PALM2AKAP2: variants seen among roughly 807,000 people sequenced by gnomAD.
PALM2AKAP2 encodes PALM2-AKAP2 fusion protein.
A neutral mutation model predicts 71.5 loss-of-function variants in PALM2AKAP2; 37 were observed. The ratio of observed to expected loss-of-function variants is 0.52; its 90% confidence interval spans 0.40 to 0.68. The LOEUF (loss-of-function observed/expected upper bound fraction) is 0.68. PALM2AKAP2 is among the 30% of genes least tolerant of loss of function. The pLI is 0.00. For synonymous variants in PALM2AKAP2, 468 were observed against 478.8 expected, an observed-to-expected ratio of 0.98 and a Z score of 0.29; for missense variants, 1,224 against 1,191.8, an observed-to-expected ratio of 1.03 and a Z score of -0.40.
At chr9:109,973,717 T>C (rs1426598527) in intron 6 of PALM2AKAP2, among the ~76,000 whole-genome samples, 1 of 152,224 alleles carries the variant, frequency 6.6e-6, no homozygotes, top group Non-Finnish European at 1.5e-5. Flanking sequence ...TTTTAGTCTC[T>C]TGATAACTCT....
intron 1 of PALM2AKAP2, among the ~76,000 whole-genome samples, chr9:109,827,678 C>G (rs1828191178): frequency 2.6e-5 from 4 of 152,118 alleles, no homozygotes; most frequent in Admixed American, 1.3e-4. Flanking sequence ...ATTCTCCCCC[C>G]AGTAAACTTT....
At chr9:109,899,977 A>G (rs1368328584) in intron 3 of PALM2AKAP2, among the ~76,000 whole-genome samples, 2 of 152,230 alleles carry the variant, frequency 1.3e-5, no homozygotes, top group African/African-American at 4.8e-5. Context: ...TAAACACACT[A>G]CAGTGTTCAC....
intron 2 of PALM2AKAP2, among the ~76,000 whole-genome samples, chr9:110,139,110 C>T (rs760258406): frequency 1.3e-5 from 2 of 152,226 alleles, no homozygotes; most frequent in Non-Finnish European, 2.9e-5. Flanking sequence ...AAAGCAACTA[C>T]TTTGGAATCA....
intron 1 of PALM2AKAP2, among the ~76,000 whole-genome samples, chr9:109,826,295 C>G (rs908043071): frequency 6.6e-6 from 1 of 152,112 alleles, no homozygotes; most frequent in Admixed American, 6.5e-5. Flanking sequence ...AGCACACCAA[C>G]ATGGCACATG....
At chr9:109,971,368 C>G (rs1045540454) in intron 6 of PALM2AKAP2, among the ~76,000 whole-genome samples, 1 of 134,552 alleles carries the variant, frequency 7.4e-6, no homozygotes, top group Non-Finnish European at 1.5e-5. Context: ...ATAGTGTTTC[C>G]AAGCCCCAGG....
intron 1 of PALM2AKAP2, among the ~76,000 whole-genome samples, chr9:110,067,655 A>T (rs1226436934): frequency 6.6e-6 from 1 of 152,238 alleles, no homozygotes; most frequent in African/African-American, 2.4e-5. Flanking sequence ...AGCTGTAAAC[A>T]TTGTGAGAGA....
chr9:109,719,558 G>A (rs1473884253), intron 1 of PALM2AKAP2, among the ~76,000 whole-genome samples: 1 of 152,172 alleles, frequency 6.6e-6, no homozygotes, highest in East Asian at 1.9e-4. Flanking sequence ...TGGCAGTTAG[G>A]ATCTTGCTGT....
intron 1 of PALM2AKAP2, among the ~76,000 whole-genome samples, chr9:109,664,554 A>G (rs1396732853): frequency 1.3e-5 from 2 of 152,118 alleles, no homozygotes; most frequent in African/African-American, 4.8e-5. Flanking sequence ...CTGCTAAGAG[A>G]TCTGCTGTTA....
chr9:109,930,415 G>A (rs543046382), intron 5 of PALM2AKAP2, among the ~76,000 whole-genome samples: 3 of 152,058 alleles, frequency 2.0e-5, no homozygotes, highest in Admixed American at 6.5e-5. Context: ...TAGTAGAGAC[G>A]GGGTTTTGCC....
chr9:109,854,791 A>C (rs1379261309), intron 1 of PALM2AKAP2, among the ~76,000 whole-genome samples: 1 of 10,802 alleles, frequency 9.3e-5, no homozygotes, highest in Admixed American at 1.0e-3. Flanking sequence ...TTTTTTTTTT[A>C]GATGGAGTCT....
At chr9:110,138,883 G>A (rs1298226353) in intron 2 of PALM2AKAP2, among the ~76,000 whole-genome samples, 1 of 152,228 alleles carries the variant, frequency 6.6e-6, no homozygotes, top group Non-Finnish European at 1.5e-5. Context: ...TAGAACCAGA[G>A]TGGACCCATG....
intron 1 of PALM2AKAP2, chr9:109,863,016 C>T: frequency 4.3e-6 from 2 of 470,412 alleles, no homozygotes; most frequent in Admixed American, 4.6e-5. Flanking sequence ...GCTCTTTGCA[C>T]TGTAGGCAAT....
At chr9:110,027,641 G>A (rs1324268451) in intron 7 of PALM2AKAP2, among the ~76,000 whole-genome samples, 1 of 152,174 alleles carries the variant, frequency 6.6e-6, no homozygotes, top group Non-Finnish European at 1.5e-5. Context: ...AAGGACATGG[G>A]AAAGCCACAT....
chr9:109,685,899 A>G (rs939944724), intron 1 of PALM2AKAP2, among the ~76,000 whole-genome samples: 12 of 152,128 alleles, frequency 7.9e-5, no homozygotes, highest in African/African-American at 2.7e-4. Context: ...ATTGGTGTCC[A>G]TCTTCTCAAA....
In PALM2AKAP2 at chr9:109,695,834, G is replaced by A. The variant is rs71501603; in HGVS notation, c.5+54968G>A. Among the ~76,000 whole-genome samples the A allele has an allele frequency of 8.5e-3, 1,293 of 152,242 alleles. 11 individuals carry two copies. Among genetic ancestry groups the A allele is most frequent in the Middle Eastern group, 0.014 (4 of 294 alleles). ...TGGGAGCTAAAACCGTAGATCTCAT[G>A]GAGGTAGAGAGTAGAACAGTGGTTA... On this transcript the variant is annotated intron_variant, in intron 1 of 6. Transcript: ENST00000374531.
At chr9:109,674,548 C>T (rs1320312406) in intron 1 of PALM2AKAP2, among the ~76,000 whole-genome samples, 1 of 152,040 alleles carries the variant, frequency 6.6e-6, no homozygotes. Flanking sequence ...CTGTCCTAAA[C>T]TGATGTTGCT....
intron 1 of PALM2AKAP2, among the ~76,000 whole-genome samples, chr9:109,643,239 A>G (rs989017042): frequency 9.9e-5 from 15 of 152,210 alleles, no homozygotes; most frequent in African/African-American, 3.4e-4. Context: ...TACGGAACAG[A>G]CTCGGCCTGA....
intron 2 of PALM2AKAP2, among the ~76,000 whole-genome samples, chr9:110,152,323 T>C (rs181445398): frequency 6.6e-6 from 1 of 152,266 alleles, no homozygotes; most frequent in African/African-American, 2.4e-5. Flanking sequence ...ATGGGGCAGA[T>C]TTCAGGCATC....
chr9:109,725,671 G>A (rs1828464334), intron 1 of PALM2AKAP2, among the ~76,000 whole-genome samples: 1 of 152,144 alleles, frequency 6.6e-6, no homozygotes, highest in African/African-American at 2.4e-5. Context: ...ATGTCATAGA[G>A]GTGTGCATAT....
Sources: gnomAD v4.1 joint callset for allele counts (sites outside exome capture counted in the v4.1 genomes callset) on GRCh38, gnomAD v4.1.1 for gene constraint, MANE v1.5 for transcripts, NCBI Gene and HGNC (gene_info 2026-07-23, HGNC 2026-07-21) for gene names.